The following ADAM28 variants were observed in gnomAD, a reference collection of about 807,000 sequenced individuals.
ADAM28 encodes the protein ADAM metallopeptidase domain 28.
A neutral mutation model predicts 101.2 loss-of-function variants in ADAM28; 105 were observed. The ratio of observed to expected loss-of-function variants is 1.04; its 90% CI spans 0.89 to 1.22. The LOEUF (loss-of-function observed/expected upper bound fraction) is 1.22, where lower values mean the gene tolerates loss of function less well. ADAM28 is among the 50% of genes most tolerant of loss of function. ADAM28 has a pLI of 0.00. For missense variants in ADAM28, 1,028 were observed against 945.4 expected, an observed-to-expected ratio of 1.09 and a Z score of -1.15; for synonymous variants, 322 against 310.6, an observed-to-expected ratio of 1.04 and a Z score of -0.39.
intron 14 of ADAM28, chr8:24,336,260 C>A: frequency 1.2e-6 from 1 of 814,206 alleles, no homozygotes; most frequent in Non-Finnish European, 1.5e-6. Context: ...AAAGAGATAT[C>A]CGAAAATTTA....
chr8:24,349,573 C>T (rs1478945382), intron 18 of ADAM28, among the ~76,000 whole-genome samples: 3 of 152,162 alleles, frequency 2.0e-5, no homozygotes. Context: ...CTCTTCTAAT[C>T]TCCCAGCTCA....
rs1024809457 is a variant in ADAM28, at chr8:24,333,340, C to G, written c.1371+591C>G. Among the ~76,000 whole-genome samples the G allele has an allele frequency of 5.3e-5, 8 of 152,090 alleles. 1 individual carries two copies. The South Asian group carries it at 1.7e-3, about 32-fold the overall frequency. ...TTAAGTGTTCTCACCACACACACAC[C>G]CACACCAACACCTATGTAAGAGACC... On this transcript the variant is annotated intron_variant, in intron 13 of 22. Coordinates refer to ENST00000265769, the MANE Select transcript of ADAM28 (RefSeq NM_014265.6).
rs145989721 is a variant in ADAM28, at chr8:24,345,176, G to A, written c.1990+1592G>A. Among the ~76,000 whole-genome samples the A allele has an allele frequency of 4.0e-3, 605 of 151,880 alleles. 5 individuals carry two copies. Among genetic ancestry groups the A allele is most frequent in the Middle Eastern group, 0.024 (7 of 286 alleles). ...AAAATGAATCACTATTTTATTCCTG[G>A]GTGATGTTCTGTTTCCATTAAGATG... is the stretch of plus-strand genomic sequence containing the variant. On this transcript the variant is annotated intron_variant, in intron 18 of 22. Coordinates refer to ENST00000265769, the MANE Select transcript of ADAM28 (RefSeq NM_014265.6).
intron 6 of ADAM28, among the ~76,000 whole-genome samples, chr8:24,316,379 G>A (rs1811165914): frequency 6.6e-6 from 1 of 151,892 alleles, no homozygotes; most frequent in Admixed American, 6.6e-5. Context: ...TGATAAGAAA[G>A]GTGTGGTTGA....
intron 18 of ADAM28, among the ~76,000 whole-genome samples, chr8:24,346,650 T>G (rs1422745889): frequency 7.2e-5 from 11 of 152,068 alleles, no homozygotes; most frequent in Admixed American, 7.2e-4. Context: ...TTTTTGTGTG[T>G]AACATAATAG....
At chr8:24,307,841 T>A (rs1410055627) in intron 2 of ADAM28, among the ~76,000 whole-genome samples, 1 of 152,172 alleles carries the variant, frequency 6.6e-6, no homozygotes, top group Non-Finnish European at 1.5e-5. Context: ...AATTCCTCCC[T>A]CAGATTGAGA....
chr8:24,326,596 G>A lies in ADAM28; in HGVS notation c.933G>A (p.Met311Ile), dbSNP rs1369854789. ...LAGTTVGLAFMSTMCSPYSVG... is the reference protein window; with the variant it reads ...LAGTTVGLAFISTMCSPYSVG... The stretch of plus-strand genomic sequence containing the variant: ...GAACGACTGTGGGTCTTGCATTTAT[G>A]TCTACAATGTGTTCTCCTTATTCTG... The change falls in exon 10 of 23, where the codon ATG (methionine) becomes ATA (isoleucine). Residue 311 changes from methionine to isoleucine, a missense_variant. Physicochemically the swap from Met to Ile is conservative, Grantham distance 10 (BLOSUM62 1). Transcript: ENST00000265769. 1 of 1,612,126 alleles carries A rather than the reference G, an allele frequency of 6.2e-7. No individual in the cohort carries two copies. Among genetic ancestry groups the A allele is most frequent in the East Asian group, 2.2e-5 (1 of 44,768 alleles).
At chr8:24,335,415 T>C in intron 13 of ADAM28, 31 bp from the exon 14 acceptor site, 1 of 1,568,254 alleles carries the variant, frequency 6.4e-7, no homozygotes, top group Non-Finnish European at 8.6e-7. Flanking sequence ...GTAGGGAGAA[T>C]AAAAAGCCTT....
intron 12 of ADAM28, 34 bp downstream of exon 12, chr8:24,331,361 G>T (rs1265848564): frequency 9.0e-6 from 14 of 1,557,504 alleles, no homozygotes; most frequent in East Asian, 2.3e-5. Flanking sequence ...CGATCTAGTT[G>T]GTTTTTCAGT....
intron 2 of ADAM28, 103 bp downstream of exon 2, chr8:24,300,180 A>C: frequency 1.1e-6 from 1 of 923,980 alleles, no homozygotes; most frequent in Non-Finnish European, 1.6e-6. Context: ...TTATACATGT[A>C]TGTTTATATA....
At chr8:24,309,265 A>G (rs1810111982) in intron 2 of ADAM28, among the ~76,000 whole-genome samples, 1 of 152,166 alleles carries the variant, frequency 6.6e-6, no homozygotes, top group African/African-American at 2.4e-5. Context: ...TCCTCACATT[A>G]CAGTATACAT....
chr8:24,313,663 A>G lies in ADAM28; in HGVS notation c.576+83A>G, dbSNP rs1370472780. 25 of 1,405,424 alleles carry G rather than the reference A, an allele frequency of 1.8e-5. No individual in the cohort carries two copies. The East Asian group carries it at 5.1e-4, about 29-fold the overall frequency. The allele number at this position is 1,405,424 out of a possible 1,614,324, so 87.1% of individuals were successfully genotyped here. A position where few individuals can be genotyped will look rare whatever the true frequency, so the allele number is the denominator to read the frequency against. ...ATTAGCAGTGCAATTTACTGAAACT[A>G]TAGTCATTGTCAAAATTAGTAAGTT... On this transcript the variant is annotated intron_variant, in intron 6 of 22. Transcript: ENST00000265769.
chr8:24,305,451 C>CTTTTTT lies in ADAM28; in HGVS notation c.151-4422_151-4417dup, dbSNP rs10654023. Among the ~76,000 whole-genome samples the CTTTTTT allele has an allele frequency of 6.4e-4, 42 of 65,458 alleles. 2 individuals are homozygous for CTTTTTT. Among genetic ancestry groups the CTTTTTT allele is most frequent in the African/African-American group, 1.4e-3 (23 of 17,010 alleles). 42.9% of individuals were successfully genotyped at this position (65,458 alleles called of 152,430 possible). On this transcript the variant is annotated intron_variant, in intron 2 of 22. Coordinates refer to ENST00000265769, the MANE Select transcript of ADAM28 (RefSeq NM_014265.6). ...GTCCAGGTAAATTTTTAAGAGGTTT[C>CTTTTTT]TTTTTTTTTTTTTTTTTTTTTTTTT... is the stretch of plus-strand genomic sequence containing the variant.
intron 2 of ADAM28, among the ~76,000 whole-genome samples, chr8:24,306,375 T>TAA (rs1563270649): frequency 1.8e-4 from 25 of 139,022 alleles, no homozygotes; most frequent in African/African-American, 5.8e-4. Flanking sequence ...TATATATATA[T>TAA]ATATATATAT....
At chr8:24,338,806 T>C (rs956961875) in intron 14 of ADAM28, among the ~76,000 whole-genome samples, 19 of 152,090 alleles carry the variant, frequency 1.2e-4, no homozygotes, top group African/African-American at 4.3e-4. Flanking sequence ...TGTGACTTGA[T>C]AGGATTCTGT....
At chr8:24,343,022 T>C (rs1814973267) in intron 16 of ADAM28, 79 bp from the exon 17 acceptor site, 1 of 1,599,180 alleles carries the variant, frequency 6.3e-7, no homozygotes, top group Admixed American at 1.7e-5. Flanking sequence ...CAACATCTGC[T>C]AGCCTCTTCA....
At chr8:24,296,283 G>A (rs1000379929) in intron 1 of ADAM28, 1 of 152,102 alleles carries the variant, frequency 6.6e-6, no homozygotes, top group African/African-American at 2.4e-5. Context: ...AATCTAAATA[G>A]TCAAAATAAC....
intron 1 of ADAM28, among the ~76,000 whole-genome samples, chr8:24,297,708 C>T (rs959876266): frequency 2.0e-5 from 3 of 152,144 alleles, no homozygotes; most frequent in Non-Finnish European, 2.9e-5. Flanking sequence ...ATTAAGGAGG[C>T]AGCAGGGAAT....
At chr8:24,352,104 A>G (rs1816228061) in intron 21 of ADAM28, 52 bp downstream of exon 21, 1 of 1,523,196 alleles carries the variant, frequency 6.6e-7, no homozygotes, top group Non-Finnish European at 9.1e-7. Flanking sequence ...TCCAGGAAAT[A>G]TCGGTGAAAG....
Sources: gnomAD v4.1 joint callset for allele counts (sites outside exome capture counted in the v4.1 genomes callset) on GRCh38, gnomAD v4.1.1 for gene constraint, MANE v1.5 for transcripts, NCBI Gene and HGNC (gene_info 2026-07-23, HGNC 2026-07-21) for gene names.